ACLY: variants seen among roughly 807,000 people sequenced by gnomAD.
ACLY encodes ATP citrate lyase, also known as ATP-citrate synthase.
Under a neutral mutation model 133.0 loss-of-function variants are expected in ACLY, and 41 were observed. The ratio of observed to expected loss-of-function variants is 0.31; its 90% CI spans 0.24 to 0.40. ACLY has a LOEUF of 0.40. Ranked by LOEUF, ACLY falls within the 10% of genes least tolerant of loss-of-function variation. ACLY has a pLI of 1.00. For missense variants in ACLY, 1,046 were observed against 1,453.8 expected (o/e 0.72, Z 4.56); for synonymous variants, 495 against 549.3 (o/e 0.90, Z 1.38).
In ACLY at chr17:41,912,684, CT is replaced by C; in HGVS notation, c.160-143del. 4 of 1,031,700 alleles carry C rather than the reference CT, an allele frequency of 3.9e-6. No homozygotes were observed. In the South Asian group the frequency reaches 6.4e-5, roughly 17 times the overall value. 63.9% of individuals were successfully genotyped at this position (1,031,700 alleles called of 1,614,324 possible). A position where few individuals can be genotyped will look rare whatever the true frequency, so the allele number is the denominator to read the frequency against. ...AGCCCTAACCATCCTTCAGAGTCAA[CT>C]CCTGGATGCTTCCTCCACCTACCCT... On this transcript the variant is annotated intron_variant, in intron 2 of 28. Transcript: ENST00000352035.
At chr17:41,890,644 C>T (rs2049181155) in intron 16 of ACLY, among the ~76,000 whole-genome samples, 1 of 151,534 alleles carries the variant, frequency 6.6e-6, no homozygotes, top group African/African-American at 2.4e-5. Context: ...GCCGAGATTG[C>T]ACCATTGCAC....
At chr17:41,917,699 AT>A (rs1437688810) in intron 1 of ACLY, among the ~76,000 whole-genome samples, 8 of 152,250 alleles carry the variant, frequency 5.3e-5, no homozygotes, top group Non-Finnish European at 8.8e-5. Flanking sequence ...CCTGGAGTAA[AT>A]TCTAGAGAGG....
At chr17:41,897,273 C>A (rs1432027861) in intron 13 of ACLY, among the ~76,000 whole-genome samples, 4 of 151,996 alleles carry the variant, frequency 2.6e-5, no homozygotes, top group African/African-American at 7.3e-5. Flanking sequence ...GGCTGACAGG[C>A]GGGGGCTTTT....
chr17:41,875,370 GGAC>G (rs1190119661), intron 22 of ACLY, among the ~76,000 whole-genome samples: 2 of 149,952 alleles, frequency 1.3e-5, no homozygotes, highest in African/African-American at 4.9e-5. Flanking sequence ...AAAAAAGGGG[GGAC>G]GAGATACGTG....
intron 18 of ACLY, 62 bp downstream of exon 18, chr17:41,886,050 A>G: frequency 1.3e-6 from 2 of 1,524,306 alleles, no homozygotes; most frequent in Non-Finnish European, 1.8e-6. Flanking sequence ...AGGACACAGC[A>G]TCGTCTCCTA....
chr17:41,902,213 G>A (rs912939238), intron 10 of ACLY, among the ~76,000 whole-genome samples: 3 of 152,126 alleles, frequency 2.0e-5, no homozygotes, highest in Non-Finnish European at 4.4e-5. Context: ...AGTGATGTGC[G>A]GGAATAGTTC....
chr17:41,870,954 C>T (rs1442551646), intron 25 of ACLY, among the ~76,000 whole-genome samples: 1 of 152,184 alleles, frequency 6.6e-6, no homozygotes, highest in African/African-American at 2.4e-5. Context: ...CACAGCAAAC[C>T]CTCAGTGGAT....
chr17:41,875,955 A>T (rs1266052672), intron 22 of ACLY, among the ~76,000 whole-genome samples: 1 of 147,690 alleles, frequency 6.8e-6, no homozygotes, highest in Non-Finnish European at 1.5e-5. Context: ...CTGGAAAGTG[A>T]GGAGCGTCTC....
intron 22 of ACLY, 120 bp from the exon 23 acceptor site, chr17:41,874,085 C>T (rs1465521931): frequency 8.5e-6 from 9 of 1,062,968 alleles, no homozygotes; most frequent in Non-Finnish European, 1.1e-5. Context: ...TAAACTCTGG[C>T]AGCCAAGTAA....
chr17:41,917,540 GAC>G (rs1231074599), intron 1 of ACLY, among the ~76,000 whole-genome samples: 2 of 152,154 alleles, frequency 1.3e-5, no homozygotes, highest in African/African-American at 4.8e-5. Context: ...ACGCCCCTGG[GAC>G]ACAGCCAGGG....
intron 1 of ACLY, among the ~76,000 whole-genome samples, chr17:41,925,578 C>T (rs2050233901): frequency 6.6e-6 from 1 of 152,010 alleles, no homozygotes; most frequent in East Asian, 1.9e-4. Flanking sequence ...TGCCACTGCA[C>T]TCCAGCCTTT....
At chr17:41,922,370 C>CAA (rs1164362085), upstream of ACLY, among the ~76,000 whole-genome samples, 310 of 30,676 alleles carry the variant, frequency 0.01, 4 homozygotes, top group African/African-American at 0.012. Context: ...CAGAGCGAGA[C>CAA]AAAAAAAAAA....
In ACLY at chr17:41,878,806, T is replaced by C. The variant is rs1488493846; in HGVS notation, c.2384A>G (p.Glu795Gly). 6.2e-7 allele frequency: 1 copy of C among 1,613,720 alleles called. No homozygotes were observed. The highest frequency in any genetic ancestry group is 8.5e-7 in the Non-Finnish European group (1 of 1,179,894). Residue 795 changes from glutamate to glycine, a missense_variant, in exon 21 of 29, where the codon GAG (glutamate) becomes GGG (glycine). Glu to Gly is a moderately conservative substitution (Grantham distance 98, BLOSUM62 -2). This residue lies in a region of ACLY where 39 missense variants were observed against 30.8 expected (regional missense o/e 1.27). Coordinates refer to ENST00000352035, the MANE Select transcript of ACLY (RefSeq NM_001096.3). ...FVPRSFDELG[E>G]IIQSVYEDLV... is the part of the protein sequence containing the mutation. ...CCCAAGGTCCACTTACTGGATGATCTCTCCAAGCTCATCAAAGCTCCGGGG... is the reference window on the plus strand; with the variant it reads ...CCCAAGGTCCACTTACTGGATGATCCCTCCAAGCTCATCAAAGCTCCGGGG...
intron 3 of ACLY, among the ~76,000 whole-genome samples, chr17:41,911,457 C>T (rs1555633633): frequency 6.6e-6 from 1 of 152,222 alleles, no homozygotes; most frequent in Non-Finnish European, 1.5e-5. Flanking sequence ...CTTACCCTTC[C>T]TAAACCATGT....
chr17:41,883,376 G>A (rs1226091588), intron 19 of ACLY, 144 bp from the exon 20 acceptor site: 2 of 637,030 alleles, frequency 3.1e-6, no homozygotes, highest in East Asian at 5.6e-5. Context: ...ATTTCTAAAG[G>A]AACAAACAGC....
intron 12 of ACLY, among the ~76,000 whole-genome samples, chr17:41,898,224 T>C (rs1371104794): frequency 6.6e-6 from 1 of 152,216 alleles, no homozygotes; most frequent in Non-Finnish European, 1.5e-5. Flanking sequence ...GTGATTCTCA[T>C]GCCTGAGCCT....
At chr17:41,874,643 A>G (rs1312022405) in intron 22 of ACLY, among the ~76,000 whole-genome samples, 2 of 147,210 alleles carry the variant, frequency 1.4e-5, no homozygotes, top group African/African-American at 5.0e-5. Context: ...GTACGATCTC[A>G]GCTCACTGCA....
chr17:41,886,910 G>A (rs1331112573), intron 17 of ACLY, among the ~76,000 whole-genome samples: 1 of 151,966 alleles, frequency 6.6e-6, no homozygotes, highest in Non-Finnish European at 1.5e-5. Flanking sequence ...GACTACCTGA[G>A]GTTGGGAGTT....
upstream of ACLY, among the ~76,000 whole-genome samples, chr17:41,921,167 G>A (rs2050177713): frequency 6.6e-6 from 1 of 151,240 alleles, no homozygotes; most frequent in Non-Finnish European, 1.5e-5. Flanking sequence ...GCACTGTATC[G>A]GGTGCCTGTA....
Sources: gnomAD v4.1 joint callset for allele counts (sites outside exome capture counted in the v4.1 genomes callset) on GRCh38, gnomAD v4.1.1 for gene constraint, gnomAD v4.1.1 regional missense constraint, MANE v1.5 for transcripts, NCBI Gene and HGNC (gene_info 2026-07-23, HGNC 2026-07-21) for gene names.